The following ZNF140 variants were observed in gnomAD, a reference collection of about 807,000 sequenced individuals.
ZNF140 encodes the protein zinc finger protein 140.
A neutral mutation model predicts 12.9 loss-of-function variants in ZNF140; 13 were observed. That is an observed-to-expected ratio of 1.01 (90% CI 0.66 to 1.60). The LOEUF is 1.60. Among genes scored for constraint, ZNF140 ranks in the 40% most tolerant of loss-of-function variants. The pLI, the probability that ZNF140 is intolerant of heterozygous loss-of-function variation, is 0.00. For synonymous variants in ZNF140, 214 were observed against 186.7 expected (o/e 1.15, Z -1.19); for missense variants, 531 against 548.8 (o/e 0.97, Z 0.32).
intron 4 of ZNF140, among the ~76,000 whole-genome samples, chr12:133,102,371 G>C (rs1955378977): frequency 6.6e-6 from 1 of 152,102 alleles, no homozygotes; most frequent in Non-Finnish European, 1.5e-5. Context: ...AGAAAAGAGT[G>C]AATACATCTA....
At position 133,106,528 on chromosome 12, in the gene ZNF140, A is replaced by G; in HGVS notation, c.1251A>G (p.Val417=). Residue 417 remains valine, a synonymous_variant, in exon 5 of 5, where the codon GTA becomes GTG. Coordinates refer to ENST00000355557, the MANE Select transcript of ZNF140 (RefSeq NM_003440.4). The part of the protein sequence containing the change: ...HTGEKPYVCK[V]CNKSFSWSSN... ...GAGAGAAACCCTATGTATGTAAGGT[A>G]TGCAACAAATCCTTCAGCTGGAGCT... 1 of 1,614,098 alleles carries G rather than the reference A, an allele frequency of 6.2e-7. No homozygotes were observed. The highest frequency in any genetic ancestry group is 1.3e-5 in the African/African-American group (1 of 75,076).
chr12:133,095,352 C>T (rs1016168560), intron 4 of ZNF140, among the ~76,000 whole-genome samples: 4 of 150,888 alleles, frequency 2.7e-5, no homozygotes, highest in East Asian at 1.9e-4. Context: ...CCTCCGAGCG[C>T]ACAAGCTTAC....
rs1357649536 is a variant in ZNF140, at chr12:133,091,551, C to T, written c.232+7990C>T. Among the ~76,000 whole-genome samples the T allele has an allele frequency of 1.0e-4, 15 of 150,496 alleles. 1 individual carries two copies. Among genetic ancestry groups the T allele is most frequent in the African/African-American group, 3.7e-4 (15 of 40,488 alleles). ...CTCTCTTTCTTTTCCCTACATTTCCCCCTTTTCTTTTTGACAAAACCGCCA... is the reference window on the plus strand; with the variant it reads ...CTCTCTTTCTTTTCCCTACATTTCCTCCTTTTCTTTTTGACAAAACCGCCA... On this transcript the variant is annotated intron_variant, in intron 4 of 4. Transcript: ENST00000355557.
chr12:133,084,587 A>C (rs1225949465), intron 4 of ZNF140, among the ~76,000 whole-genome samples: 3 of 152,266 alleles, frequency 2.0e-5, no homozygotes, highest in African/African-American at 7.2e-5. Context: ...GAGAAACAAA[A>C]GACAGAAAAA....
chr12:133,081,218 C>A, intron 1 of ZNF140, 55 bp from the exon 2 acceptor site: 1 of 898,718 alleles, frequency 1.1e-6, no homozygotes, highest in Non-Finnish European at 1.8e-6. Flanking sequence ...AATCTAGTGA[C>A]TTGGGCGCGG....
chr12:133,082,975 T>C, intron 2 of ZNF140, 128 bp from the exon 3 acceptor site: 1 of 1,394,448 alleles, frequency 7.2e-7, no homozygotes, highest in South Asian at 1.4e-5. Flanking sequence ...TACTCAGAAT[T>C]CTGAAAACTC....
rs1475443958 is a variant in ZNF140 at position 133,084,668 on chromosome 12, T to C, written c.232+1107T>C. Among the ~76,000 whole-genome samples, 6 of 152,358 alleles carry C rather than the reference T, an allele frequency of 3.9e-5. No individual in the cohort carries two copies. In the South Asian group the frequency reaches 1.0e-3, roughly 26 times the overall value. ...ATTCTATAGTTGCTTCTATAGCACA[T>C]GTTTAATGGAGGTACACTGATTTTT... is the stretch of plus-strand genomic sequence containing the variant. On this transcript the variant is annotated intron_variant, in intron 4 of 4. Coordinates refer to ENST00000355557, the MANE Select transcript of ZNF140 (RefSeq NM_003440.4).
chr12:133,093,401 C>G, intron 4 of ZNF140: 1 of 698,114 alleles, frequency 1.4e-6, no homozygotes, highest in Non-Finnish European at 2.6e-6. Context: ...TTGTGTTACT[C>G]TTGTGTTTTC....
chr12:133,099,334 G>A (rs915931426), intron 4 of ZNF140, among the ~76,000 whole-genome samples: 7 of 151,728 alleles, frequency 4.6e-5, no homozygotes, highest in African/African-American at 9.7e-5. Context: ...ACACCACCAC[G>A]TCCGGCTAAT....
Position 133,101,829 on chromosome 12 carries a change from G to A in ZNF140, c.233-3681G>A, listed in dbSNP as rs937194593. On this transcript the variant is annotated intron_variant, in intron 4 of 4. Transcript: ENST00000355557. Reference sequence around the variant, plus strand: ...CTCCTTACATTATCCATCTCATCTTGCATCTTGTATACTTTTTCCCAGTAA... The same window carrying A: ...CTCCTTACATTATCCATCTCATCTTACATCTTGTATACTTTTTCCCAGTAA... Among the ~76,000 whole-genome samples the A allele has an allele frequency of 3.4e-4, 51 of 152,110 alleles. No individual in the cohort carries two copies. The East Asian group carries it at 5.0e-3, about 15-fold the overall frequency.
At position 133,105,636 on chromosome 12, in the gene ZNF140, G is replaced by A. The variant is rs1247271433; in HGVS notation, c.359G>A (p.Gly120Asp). 6.2e-7 allele frequency: 1 copy of A among 1,614,040 alleles called. No individual in the cohort carries two copies. The highest frequency in any genetic ancestry group is 8.5e-7 in the Non-Finnish European group (1 of 1,180,046). ...CCTGTGTATTCCAGTTTTAAAGGAG[G>A]CTGGAAATGCAAGGATCATACTGAG... is the stretch of plus-strand genomic sequence containing the variant. ...QGPVYSSFKG[G>D]WKCKDHTEML... The change falls in exon 5 of 5, where the codon GGC becomes GAC. Residue 120 changes from glycine to aspartate, a missense_variant. Physicochemically the swap from Gly to Asp is moderately conservative, Grantham distance 94. Coordinates refer to ENST00000355557, the MANE Select transcript of ZNF140 (RefSeq NM_003440.4).
At chr12:133,095,914 T>A (rs996246267) in intron 4 of ZNF140, among the ~76,000 whole-genome samples, 1 of 151,938 alleles carries the variant, frequency 6.6e-6, no homozygotes, top group Admixed American at 6.6e-5. Flanking sequence ...TATCTCAGAA[T>A]TGAACAAATG....
rs1954568949 is a variant in ZNF140 at position 133,083,466 on chromosome 12, G to T, written c.137G>T (p.Gly46Val). 2 of 1,610,342 alleles carry T rather than the reference G, an allele frequency of 1.2e-6. No homozygotes were observed. The highest frequency in any genetic ancestry group is 1.3e-5 in the African/African-American group (1 of 74,642). The change falls in exon 4 of 5, where the codon GGT becomes GTT. Residue 46 changes from glycine to valine, a missense_variant and splice_region_variant. Coordinates refer to ENST00000355557, the MANE Select transcript of ZNF140 (RefSeq NM_003440.4). ...AATTTATTTCATTTTCTGCAAGCAGGTCTTTCCATTTCTAAGCCAGATGTG... is the reference window on the plus strand; with the variant it reads ...AATTTATTTCATTTTCTGCAAGCAGTTCTTTCCATTTCTAAGCCAGATGTG... ...LENYGHLVSLGLSISKPDVVS... is the reference protein window; with the variant it reads ...LENYGHLVSLVLSISKPDVVS...
At chr12:133,099,525 A>G (rs1229683592) in intron 4 of ZNF140, among the ~76,000 whole-genome samples, 5 of 152,142 alleles carry the variant, frequency 3.3e-5, no homozygotes, top group African/African-American at 1.2e-4. Flanking sequence ...AGGTTAATTA[A>G]GAATAAGAAA....
intron 4 of ZNF140, among the ~76,000 whole-genome samples, chr12:133,096,067 T>C (rs373604396): frequency 0.037 from 5,426 of 146,384 alleles, 109 homozygotes; most frequent in African/African-American, 0.05. Context: ...GGCTGGGGGA[T>C]GGTCAGGTCT....
At position 133,083,537 on chromosome 12, in the gene ZNF140, GA is replaced by G; in HGVS notation, c.210del (p.Val71Ter). On this transcript the variant is annotated frameshift_variant, in exon 4 of 5. Coordinates refer to ENST00000355557, the MANE Select transcript of ZNF140 (RefSeq NM_003440.4). LOFTEE classifies it low-confidence loss of function (END_TRUNC). ...QGKEPWLGKR[E>X]VKRDLFSVSE... is the part of the protein sequence containing the mutation. ...GAAAGAACCCTGGCTGGGGAAAAGG[GA>G]AGTGAAAAGAGATCTGTTTTCAGGT... The G allele has an allele frequency of 6.2e-7, 1 of 1,614,118 alleles. No individual in the cohort carries two copies. The highest frequency in any genetic ancestry group is 8.5e-7 in the Non-Finnish European group (1 of 1,180,008).
At chr12:133,104,663 G>A (rs1218230801) in intron 4 of ZNF140, among the ~76,000 whole-genome samples, 2 of 152,086 alleles carry the variant, frequency 1.3e-5, no homozygotes, top group Non-Finnish European at 2.9e-5. Flanking sequence ...GAGTATGAAT[G>A]TATTTTTAAG....
intron 2 of ZNF140, 82 bp from the exon 3 acceptor site, chr12:133,083,021 A>T (rs1256207414): frequency 1.2e-6 from 2 of 1,605,736 alleles, no homozygotes; most frequent in African/African-American, 2.7e-5. Flanking sequence ...CCTAACCTCC[A>T]CAGTGAGACT....
At position 133,083,467 on chromosome 12, in the gene ZNF140, T is replaced by A; in HGVS notation, c.138T>A (p.Gly46=). The change falls in exon 4 of 5, where the codon GGT becomes GGA. Residue 46 remains glycine, a splice_region_variant and synonymous_variant. Coordinates refer to ENST00000355557, the MANE Select transcript of ZNF140 (RefSeq NM_003440.4). ...ATTTATTTCATTTTCTGCAAGCAGG[T>A]CTTTCCATTTCTAAGCCAGATGTGG... The part of the protein sequence containing the change: ...LENYGHLVSL[G]LSISKPDVVS... 5.0e-6 allele frequency: 8 copies of A among 1,610,558 alleles called. No homozygotes were observed. The South Asian group carries it at 8.9e-5, about 18-fold the overall frequency.
Sources: gnomAD v4.1 joint callset for allele counts (sites outside exome capture counted in the v4.1 genomes callset) on GRCh38, gnomAD v4.1.1 for gene constraint, MANE v1.5 for transcripts, NCBI Gene and HGNC (gene_info 2026-07-23, HGNC 2026-07-21) for gene names.